The following NUS1 variants were observed in gnomAD, a reference collection of about 807,000 sequenced individuals.
NUS1 encodes the protein NUS1 dehydrodolichyl diphosphate synthase subunit.
For missense variants in NUS1, 292 were observed against 382.9 expected, an observed-to-expected ratio of 0.76 and a Z score of 1.98; for synonymous variants, 135 against 155.2, an observed-to-expected ratio of 0.87 and a Z score of 0.97.
In NUS1 at chr6:117,675,779, T is replaced by G; in HGVS notation, c.109T>G (p.Trp37Gly). 1 of 1,559,652 alleles carries G rather than the reference T, an allele frequency of 6.4e-7. No homozygotes were observed. Among genetic ancestry groups the G allele is most frequent in the South Asian group, 1.2e-5 (1 of 85,284 alleles). The change falls in exon 1 of 5, where the codon TGG becomes GGG. Residue 37 changes from tryptophan (W) to glycine (G), a missense_variant. Coordinates refer to ENST00000368494, the MANE Select transcript of NUS1 (RefSeq NM_138459.5). ...RVRFGTWNWI[W>G]RRCCRAASAA... ...TCGGTTCGGCACCTGGAACTGGATCTGGCGGCGCTGCTGCCGCGCCGCCTC... is the reference window on the plus strand; with the variant it reads ...TCGGTTCGGCACCTGGAACTGGATCGGGCGGCGCTGCTGCCGCGCCGCCTC...
At chr6:117,678,778 T>A (rs1316729443) in intron 1 of NUS1, among the ~76,000 whole-genome samples, 1 of 149,316 alleles carries the variant, frequency 6.7e-6, no homozygotes, top group African/African-American at 2.5e-5. Context: ...TCTCCCAGAT[T>A]CAAGTTCTCC....
intron 1 of NUS1, among the ~76,000 whole-genome samples, chr6:117,682,810 A>G (rs1773081724): frequency 6.6e-6 from 1 of 152,188 alleles, no homozygotes; most frequent in South Asian, 2.1e-4. Flanking sequence ...TAACCGTTAC[A>G]TTATTTTGAT....
At chr6:117,696,774 G>A (rs1421864915) in intron 3 of NUS1, among the ~76,000 whole-genome samples, 3 of 152,088 alleles carry the variant, frequency 2.0e-5, no homozygotes, top group African/African-American at 7.2e-5. Context: ...GAAATGCTAA[G>A]GGGAATTGTT....
intron 1 of NUS1, among the ~76,000 whole-genome samples, chr6:117,686,664 A>G (rs1773144088): frequency 6.6e-6 from 1 of 152,330 alleles, no homozygotes; most frequent in Admixed American, 6.5e-5. Flanking sequence ...TTCCTTTTAC[A>G]TAAAATAACT....
intron 4 of NUS1, among the ~76,000 whole-genome samples, chr6:117,704,056 A>G (rs919605955): frequency 6.6e-6 from 1 of 152,164 alleles, no homozygotes; most frequent in African/African-American, 2.4e-5. Flanking sequence ...GTTTTAAAGA[A>G]ATAAGGAACT....
intron 1 of NUS1, among the ~76,000 whole-genome samples, chr6:117,683,931 CTT>C (rs1773099531): frequency 6.6e-6 from 1 of 152,144 alleles, no homozygotes; most frequent in Admixed American, 6.5e-5. Context: ...CATGTCATGA[CTT>C]TATTATTCAG....
chr6:117,690,757 C>T (rs935800834), intron 1 of NUS1, among the ~76,000 whole-genome samples: 2 of 151,882 alleles, frequency 1.3e-5, no homozygotes, highest in Admixed American at 6.6e-5. Flanking sequence ...TTTGGGAGGC[C>T]GAGGTGGGCG....
chr6:117,686,700 G>A (rs201760508), intron 1 of NUS1, among the ~76,000 whole-genome samples: 1 of 151,828 alleles, frequency 6.6e-6, no homozygotes, highest in East Asian at 1.9e-4. Context: ...TTATCATTTT[G>A]GCTTTAGTTT....
intron 1 of NUS1, among the ~76,000 whole-genome samples, chr6:117,692,064 ACTGGTTGTTCTAT>A (rs1051322953): frequency 2.0e-4 from 30 of 152,116 alleles, no homozygotes; most frequent in Non-Finnish European, 2.9e-4. Flanking sequence ...TAGAGGTACA[ACTGGTTGTTCTAT>A]GGGGTGAGGA....
intron 1 of NUS1, among the ~76,000 whole-genome samples, chr6:117,680,922 G>T (rs961375481): frequency 6.6e-6 from 1 of 152,104 alleles, no homozygotes; most frequent in African/African-American, 2.4e-5. Context: ...TGGTTTTTGG[G>T]TACAGGTTTC....
intron 1 of NUS1, among the ~76,000 whole-genome samples, chr6:117,687,236 T>C (rs1773153943): frequency 6.6e-6 from 1 of 152,196 alleles, no homozygotes; most frequent in African/African-American, 2.4e-5. Context: ...TCCTGGAAAC[T>C]TAAGAAAAAT....
chr6:117,690,055 T>C (rs57679466), intron 1 of NUS1, among the ~76,000 whole-genome samples: 9,166 of 152,270 alleles, frequency 0.06, 346 homozygotes, highest in African/African-American at 0.086. Context: ...TTATGATTGA[T>C]ATGGGGATAT....
At chr6:117,700,129 A>C (rs1361032354) in intron 3 of NUS1, among the ~76,000 whole-genome samples, 1 of 152,222 alleles carries the variant, frequency 6.6e-6, no homozygotes, top group Non-Finnish European at 1.5e-5. Context: ...AACCAGAGCA[A>C]AAATGAACAA....
rs1773550486 is a variant in NUS1 at position 117,709,775 on chromosome 6, C to T, written c.*2760C>T. On this transcript the variant is annotated 3_prime_UTR_variant, in exon 5 of 5. Transcript: ENST00000368494. Reference sequence around the variant, plus strand: ...TTTATTATTGAAAGTTGAAACTTAACATGTATGAACAAAAACCAATAAAAG... The same window carrying T: ...TTTATTATTGAAAGTTGAAACTTAATATGTATGAACAAAAACCAATAAAAG... The T allele has an allele frequency of 6.6e-6, 1 of 152,460 alleles. No homozygotes were observed. The highest frequency in any genetic ancestry group is 1.5e-5 in the Non-Finnish European group (1 of 67,964). 9.4% of individuals were successfully genotyped at this position (152,460 alleles called of 1,614,324 possible). A position where few individuals can be genotyped will look rare whatever the true frequency, so the allele number is the denominator to read the frequency against.
chr6:117,682,490 A>C (rs1773075745), intron 1 of NUS1, among the ~76,000 whole-genome samples: 2 of 152,060 alleles, frequency 1.3e-5, no homozygotes. Flanking sequence ...AGTCCCAACT[A>C]CTCAGGAGGC....
intron 3 of NUS1, 123 bp from the exon 4 acceptor site, chr6:117,703,482 A>C (rs1200218906): frequency 9.8e-6 from 7 of 717,514 alleles, no homozygotes; most frequent in Non-Finnish European, 1.7e-5. Flanking sequence ...ACTTCTGAAG[A>C]AAACAGGTAG....
intron 3 of NUS1, among the ~76,000 whole-genome samples, chr6:117,699,856 A>C (rs1773381320): frequency 6.6e-6 from 1 of 152,066 alleles, no homozygotes; most frequent in Non-Finnish European, 1.5e-5. Flanking sequence ...AAATGCATAC[A>C]TCTCCAGTGA....
At chr6:117,698,269 A>G (rs1773349570) in intron 3 of NUS1, among the ~76,000 whole-genome samples, 1 of 152,086 alleles carries the variant, frequency 6.6e-6, no homozygotes, top group African/African-American at 2.4e-5. Flanking sequence ...AAAATTGAGA[A>G]ATCTTTAGTT....
intron 1 of NUS1, among the ~76,000 whole-genome samples, chr6:117,689,946 A>T (rs1438814094): frequency 6.6e-6 from 1 of 152,242 alleles, no homozygotes; most frequent in Non-Finnish European, 1.5e-5. Context: ...GTGTGGTCTA[A>T]CTTGTATAGA....
Sources: gnomAD v4.1 joint callset for allele counts (sites outside exome capture counted in the v4.1 genomes callset) on GRCh38, gnomAD v4.1.1 for gene constraint, MANE v1.5 for transcripts, NCBI Gene and HGNC (gene_info 2026-07-23, HGNC 2026-07-21) for gene names.